SPATA19: variants seen among roughly 807,000 people sequenced by gnomAD.
SPATA19 encodes spermatogenesis-associated protein 19, mitochondrial.
A neutral mutation model predicts 25.0 loss-of-function variants in SPATA19; 19 were observed. The observed-to-expected ratio is 0.76, with a 90% CI of 0.53 to 1.11. SPATA19 has a LOEUF of 1.11. Among genes scored for constraint, SPATA19 ranks in the 50% most tolerant of loss-of-function variants. The probability of loss-of-function intolerance (pLI) is 0.00; values close to 1 mark genes in which losing one functional copy is unlikely to be tolerated. For missense variants in SPATA19, 222 were observed against 211.4 expected, an observed-to-expected ratio of 1.05 and a Z score of -0.31; for synonymous variants, 64 against 69.3, an observed-to-expected ratio of 0.92 and a Z score of 0.38.
rs769060558 is a variant in SPATA19 at position 133,842,046 on chromosome 11, T to G, written c.497A>C (p.Asp166Ala). 8 of 1,614,036 alleles carry G rather than the reference T, an allele frequency of 5.0e-6. No individual in the cohort carries two copies. The highest frequency in any genetic ancestry group is 6.8e-6 in the Non-Finnish European group (8 of 1,179,962). Residue 166 changes from aspartate (D) to alanine (A), a missense_variant, in exon 6 of 7, where the codon GAC becomes GCC. Transcript: ENST00000299140. ...QDFSMRPSSS[D>A]C is the part of the protein sequence containing the mutation. Reference sequence around the variant, plus strand: ...CTCTCTCACCTGTTGCTCTCAGCAGTCTGAGGAGGAGGGTCTCATACTGAA... The same window carrying G: ...CTCTCTCACCTGTTGCTCTCAGCAGGCTGAGGAGGAGGGTCTCATACTGAA...
intron 4 of SPATA19, among the ~76,000 whole-genome samples, chr11:133,843,124 T>C (rs191874263): frequency 6.6e-6 from 1 of 152,306 alleles, no homozygotes; most frequent in East Asian, 1.9e-4. Flanking sequence ...TTTAAAATCT[T>C]TGTAGAAAAT....
At position 133,844,236 on chromosome 11, in the gene SPATA19, G is replaced by A. The variant is rs1270335598; in HGVS notation, c.359+10C>T. The A allele has an allele frequency of 6.2e-7, 1 of 1,613,110 alleles. No homozygotes were observed. Among genetic ancestry groups the A allele is most frequent in the Non-Finnish European group, 8.5e-7 (1 of 1,179,114 alleles). On this transcript the variant is annotated intron_variant, in intron 4 of 6. Transcript: ENST00000299140. ...CCCTTCCTTCGCCCAGGGCAAGTGG[G>A]ACACCTTACCTCCATCTTATGAACT...
intron 1 of SPATA19, 24 bp downstream of exon 1, chr11:133,845,345 T>C: frequency 6.3e-7 from 1 of 1,575,776 alleles, no homozygotes; most frequent in Admixed American, 1.7e-5. Flanking sequence ...AATTATTCCA[T>C]GTGACTACCA....
chr11:133,838,878 A>G (rs1470616156), downstream of SPATA19, among the ~76,000 whole-genome samples: 5 of 152,242 alleles, frequency 3.3e-5, no homozygotes, highest in Non-Finnish European at 5.9e-5. Context: ...AAGGATATGA[A>G]CAGACACTTC....
intron 4 of SPATA19, 39 bp downstream of exon 4, chr11:133,844,207 C>T: frequency 1.3e-6 from 2 of 1,546,668 alleles, no homozygotes; most frequent in African/African-American, 1.4e-5. Context: ...CGCATCTCTC[C>T]CTCCCCTTCC....
At chr11:133,836,831 G>T (rs1167934580), downstream of SPATA19, among the ~76,000 whole-genome samples, 1 of 152,078 alleles carries the variant, frequency 6.6e-6, no homozygotes, top group Admixed American at 6.5e-5. Flanking sequence ...GTATTCCCAG[G>T]GCTGGTCTGG....
chr11:133,839,908 T>C (rs566699794), downstream of SPATA19, among the ~76,000 whole-genome samples: 24 of 152,036 alleles, frequency 1.6e-4, no homozygotes, highest in Non-Finnish European at 3.1e-4. Flanking sequence ...CCAAAATTAA[T>C]GACAGACACC....
At position 133,842,015 on chromosome 11, in the gene SPATA19, C is replaced by T. The variant is rs369060546; in HGVS notation, c.*9+15G>A. On this transcript the variant is annotated intron_variant, in intron 6 of 6. Transcript: ENST00000299140. ...CATCTTCTCTGCCCAGTTCCTCATC[C>T]GTCAGCTCTCTCACCTGTTGCTCTC... 26 of 1,611,828 alleles carry T rather than the reference C, an allele frequency of 1.6e-5. No homozygotes were observed. The highest frequency in any genetic ancestry group is 5.0e-5 in the Admixed American group (3 of 60,012).
At chr11:133,839,857 A>G (rs1406183595), downstream of SPATA19, among the ~76,000 whole-genome samples, 2 of 152,100 alleles carry the variant, frequency 1.3e-5, no homozygotes, top group East Asian at 3.9e-4. Context: ...AAGAGAGAAG[A>G]ATACCCGCAA....
At chr11:133,843,789 C>T (rs946893076) in intron 4 of SPATA19, among the ~76,000 whole-genome samples, 4 of 152,188 alleles carry the variant, frequency 2.6e-5, no homozygotes, top group South Asian at 2.1e-4. Flanking sequence ...GCAGTGGGGA[C>T]GGCTGTGAGC....
At chr11:133,844,734 C>G in intron 2 of SPATA19, 94 bp from the exon 3 acceptor site, 3 of 1,381,882 alleles carry the variant, frequency 2.2e-6, no homozygotes, top group Non-Finnish European at 2.9e-6. Context: ...TTCTCCATCA[C>G]AACTCACACA....
intron 5 of SPATA19, 117 bp downstream of exon 5, chr11:133,842,368 C>T (rs1938327162): frequency 1.2e-6 from 1 of 848,454 alleles, no homozygotes; most frequent in African/African-American, 1.7e-5. Context: ...TGTCTCTGCT[C>T]TTGATGTTGG....
rs372582303 is a variant in SPATA19, at chr11:133,845,198, A to G, written c.79-8T>C. On this transcript the variant is annotated splice_region_variant and splice_polypyrimidine_tract_variant and intron_variant, in intron 1 of 6. Transcript: ENST00000299140. Reference sequence around the variant, plus strand: ...TTCCACAACGTCAATGTCCTGGAACAAATTGGCAAGTTGGTGACCTCAGAA... The same window carrying G: ...TTCCACAACGTCAATGTCCTGGAACGAATTGGCAAGTTGGTGACCTCAGAA... 6.2e-7 allele frequency: 1 copy of G among 1,613,934 alleles called. No homozygotes were observed. The highest frequency in any genetic ancestry group is 1.3e-5 in the African/African-American group (1 of 74,910).
rs1186785356 is a variant in SPATA19 at position 133,845,494 on chromosome 11, A to C, written c.-48T>G. On this transcript the variant is annotated 5_prime_UTR_variant, in exon 1 of 7. Coordinates refer to ENST00000299140, the MANE Select transcript of SPATA19 (RefSeq NM_174927.3). ...CTTCTTGGCTCCCTCCTTCCATTGA[A>C]GCTGCCTGAGAACTCCTATGGGACA... The C allele has an allele frequency of 2.5e-6, 4 of 1,600,644 alleles. No individual in the cohort carries two copies. The highest frequency in any genetic ancestry group is 3.4e-6 in the Non-Finnish European group (4 of 1,169,556).
downstream of SPATA19, among the ~76,000 whole-genome samples, chr11:133,839,518 C>A (rs1340937721): frequency 6.9e-6 from 1 of 145,730 alleles, no homozygotes; most frequent in African/African-American, 2.6e-5. Context: ...ACATCACAAT[C>A]CGGGGCCTGT....
chr11:133,839,965 C>T (rs1204845802), downstream of SPATA19, among the ~76,000 whole-genome samples: 1 of 151,744 alleles, frequency 6.6e-6, no homozygotes, highest in Non-Finnish European at 1.5e-5. Context: ...AAGATAAATG[C>T]AAAAAATAAT....
At chr11:133,843,559 AAGGAGGAAGAG>A (rs1168741114) in intron 4 of SPATA19, among the ~76,000 whole-genome samples, 1 of 152,204 alleles carries the variant, frequency 6.6e-6, no homozygotes, top group African/African-American at 2.4e-5. Context: ...GCGGCAGGGA[AAGGAGGAAGAG>A]AGGAGGAAGG....
At chr11:133,836,244 C>A (rs1938210218), downstream of SPATA19, among the ~76,000 whole-genome samples, 1 of 152,164 alleles carries the variant, frequency 6.6e-6, no homozygotes, top group South Asian at 2.1e-4. Context: ...GCTGGCTGCT[C>A]TCCTGCCCCT....
At chr11:133,840,042 A>ATTTCTTTG (rs1938275177), downstream of SPATA19, among the ~76,000 whole-genome samples, 1 of 152,162 alleles carries the variant, frequency 6.6e-6, no homozygotes, top group Non-Finnish European at 1.5e-5. Flanking sequence ...TCAAAGACAA[A>ATTTCTTTG]ATTTCTTGAA....
Sources: allele counts gnomAD v4.1 joint callset (sites outside exome capture counted in the v4.1 genomes callset), GRCh38; gene constraint gnomAD v4.1.1; transcripts MANE v1.5; gene names NCBI Gene and HGNC (gene_info 2026-07-23, HGNC 2026-07-21).